Variants in DRAXIN observed in about 807,000 individuals in gnomAD.
The protein encoded by DRAXIN is dorsal repulsive axon guidance protein.
DRAXIN carries 27 observed loss-of-function variants against 33.9 expected under a neutral mutation model. The ratio of observed to expected loss-of-function variants is 0.80; its 90% CI spans 0.59 to 1.10. The LOEUF is 1.10. DRAXIN is among the 50% of genes least tolerant of loss of function. The probability of loss-of-function intolerance (pLI) is 0.00; values close to 1 mark genes in which losing one functional copy is unlikely to be tolerated. For synonymous variants in DRAXIN, 178 were observed against 194.0 expected, an observed-to-expected ratio of 0.92 and a Z score of 0.69; for missense variants, 371 against 460.8, an observed-to-expected ratio of 0.81 and a Z score of 1.78.
intron 1 of DRAXIN, among the ~76,000 whole-genome samples, chr1:11,702,510 TAC>T (rs966993308): frequency 3.4e-5 from 5 of 147,330 alleles, no homozygotes; most frequent in African/African-American, 1.3e-4. Flanking sequence ...GATCATAGTA[TAC>T]ACACACATGC....
In DRAXIN at chr1:11,706,743, G is replaced by C; in HGVS notation, c.451+34G>C. 1 of 1,509,346 alleles carries C rather than the reference G, an allele frequency of 6.6e-7. No individual in the cohort carries two copies. The highest frequency in any genetic ancestry group is 8.8e-7 in the Non-Finnish European group (1 of 1,131,516). The allele number at this position is 1,509,346 out of a possible 1,614,324, so 93.5% of individuals were successfully genotyped here. ...AGGGCTGCGAGGGGTGGGGATGGGGGTGATTCCTGCCATGGACTGAGGGGA... is the reference window on the plus strand; with the variant it reads ...AGGGCTGCGAGGGGTGGGGATGGGGCTGATTCCTGCCATGGACTGAGGGGA... On this transcript the variant is annotated intron_variant, in intron 2 of 6. Transcript: ENST00000294485. The surrounding 1 kb of genome is among the most constrained non-coding windows in gnomAD (Gnocchi z 5.5).
intron 6 of DRAXIN, among the ~76,000 whole-genome samples, chr1:11,716,562 C>T (rs1009876479): frequency 1.3e-5 from 2 of 152,236 alleles, no homozygotes; most frequent in Non-Finnish European, 2.9e-5. Context: ...GAGTTATCTA[C>T]CATGATCGTG....
Position 11,721,264 on chromosome 1 carries a change from C to T in DRAXIN, c.*1568C>T, listed in dbSNP as rs1408859679. 2 of 152,220 alleles carry T rather than the reference C, an allele frequency of 1.3e-5. No individual in the cohort carries two copies. Among genetic ancestry groups the T allele is most frequent in the Non-Finnish European group, 2.9e-5 (2 of 68,052 alleles). The allele number at this position is 152,220 out of a possible 1,614,324, so 9.4% of individuals were successfully genotyped here. ...CAGAGCCCACTGGGAAGTTGAGGCT[C>T]ACCTGAAATTGAGGTGCTATCTGAA... On this transcript the variant is annotated 3_prime_UTR_variant, in exon 7 of 7. Coordinates refer to ENST00000294485, the MANE Select transcript of DRAXIN (RefSeq NM_198545.4).
chr1:11,710,139 C>T (rs970247104), intron 3 of DRAXIN, among the ~76,000 whole-genome samples: 47 of 146,330 alleles, frequency 3.2e-4, no homozygotes, highest in African/African-American at 7.4e-4. Flanking sequence ...GTGTCAAGAT[C>T]GCCCCACTGC....
In DRAXIN at chr1:11,721,766, C is replaced by T. The variant is rs1405181910; in HGVS notation, c.*2070C>T. Reference sequence around the variant, plus strand: ...TTGGGAGGCTGAGGTGGGCGGACCACCTCAGGTCAGGAGTTTGAGACCAGC... The same window carrying T: ...TTGGGAGGCTGAGGTGGGCGGACCATCTCAGGTCAGGAGTTTGAGACCAGC... On this transcript the variant is annotated 3_prime_UTR_variant, in exon 7 of 7. Transcript: ENST00000294485. 6.6e-6 allele frequency: 1 copy of T among 152,162 alleles called. No homozygotes were observed. Among genetic ancestry groups the T allele is most frequent in the Non-Finnish European group, 1.5e-5 (1 of 68,118 alleles). The allele number at this position is 152,162 out of a possible 1,614,324, so 9.4% of individuals were successfully genotyped here. A position where few individuals can be genotyped will look rare whatever the true frequency, so the allele number is the denominator to read the frequency against.
intron 2 of DRAXIN, among the ~76,000 whole-genome samples, chr1:11,707,483 G>A (rs1163597845): frequency 6.6e-6 from 1 of 152,204 alleles, no homozygotes; most frequent in African/African-American, 2.4e-5. Flanking sequence ...CCTCTGTAAA[G>A]CAAGGAGACT....
At chr1:11,698,317 T>C (rs1641223760) in intron 1 of DRAXIN, among the ~76,000 whole-genome samples, 1 of 152,142 alleles carries the variant, frequency 6.6e-6, no homozygotes, top group Admixed American at 6.5e-5. Context: ...ACAAGAAAAT[T>C]ACCCACTTTC....
chr1:11,725,325 C>CA lies in DRAXIN; in HGVS notation c.*5637dup, dbSNP rs144701069. The stretch of plus-strand genomic sequence containing the variant: ...AGCGAGACCTTGTCTCAAAAAAAGA[C>CA]AAAAAAAACAAAAAGAAATGTAGAT... On this transcript the variant is annotated 3_prime_UTR_variant, in exon 7 of 7. Transcript: ENST00000294485. The CA allele has an allele frequency of 0.044, 6,612 of 151,626 alleles. 222 individuals are homozygous for CA. Among genetic ancestry groups the CA allele is most frequent in the South Asian group, 0.15 (708 of 4,800 alleles). 9.4% of individuals were successfully genotyped at this position (151,626 alleles called of 1,614,324 possible).
rs1180451024 is a variant in DRAXIN, at chr1:11,721,133, C to CA, written c.*1444dup. On this transcript the variant is annotated 3_prime_UTR_variant, in exon 7 of 7. Transcript: ENST00000294485. ...GGGGTTCTGATGCAAGCATGGAATC[C>CA]AAAAAAACCCCACACATATTGCCCA... is the stretch of plus-strand genomic sequence containing the variant. 2 of 152,044 alleles carry CA rather than the reference C, an allele frequency of 1.3e-5. No homozygotes were observed. Among genetic ancestry groups the CA allele is most frequent in the African/African-American group, 2.4e-5 (1 of 41,376 alleles). 9.4% of individuals were successfully genotyped at this position (152,044 alleles called of 1,614,324 possible).
chr1:11,710,728 CAT>C (rs1458250653), intron 3 of DRAXIN, among the ~76,000 whole-genome samples: 1 of 139,174 alleles, frequency 7.2e-6, no homozygotes, highest in Non-Finnish European at 1.5e-5. Flanking sequence ...TCCTGGCTAA[CAT>C]GGTGAAACCC....
At chr1:11,711,690 C>T (rs556308759) in intron 3 of DRAXIN, among the ~76,000 whole-genome samples, 161 bp from the exon 4 acceptor site, 7 of 152,298 alleles carry the variant, frequency 4.6e-5, no homozygotes, top group South Asian at 2.1e-4. Context: ...CAGGAGCCTC[C>T]GGCAGCCATC....
intron 5 of DRAXIN, among the ~76,000 whole-genome samples, chr1:11,713,198 C>CA (rs58232887): frequency 0.096 from 13,912 of 144,870 alleles, 654 homozygotes; most frequent in South Asian, 0.12. Context: ...AATTCCGTCT[C>CA]AAAAAAAAAA....
chr1:11,686,926 G>A (rs916336012), upstream of DRAXIN, among the ~76,000 whole-genome samples: 9 of 151,286 alleles, frequency 5.9e-5, no homozygotes, highest in African/African-American at 1.9e-4. Context: ...GTTGTACATC[G>A]CTACTCTCTA....
In DRAXIN at chr1:11,706,392, C is replaced by G. The variant is rs1249728103; in HGVS notation, c.134C>G (p.Pro45Arg). Residue 45 changes from proline (P) to arginine (R), a missense_variant, in exon 2 of 7, where the codon CCA (proline) becomes CGA (arginine). Physicochemically the swap from Pro to Arg is moderately radical, Grantham distance 103. Coordinates refer to ENST00000294485, the MANE Select transcript of DRAXIN (RefSeq NM_198545.4). This position sits in a 1 kb window ranked among gnomAD's most constrained non-coding sequence, Gnocchi z 5.5. ...CTCCCTGAGAATCACATTGACCTCC[C>G]AGGCCCAGCGCTGTGGACGCCTCAG... ...RNLPENHIDL[P>R]GPALWTPQAS... 1 of 1,613,448 alleles carries G rather than the reference C, an allele frequency of 6.2e-7. No homozygotes were observed. Among genetic ancestry groups the G allele is most frequent in the East Asian group, 2.2e-5 (1 of 44,870 alleles).
rs978705527 is a variant in DRAXIN, at chr1:11,694,822, G to C, written c.-11+2969G>C. Among the ~76,000 whole-genome samples the C allele has an allele frequency of 2.0e-5, 3 of 152,106 alleles. No individual in the cohort carries two copies. Among genetic ancestry groups the C allele is most frequent in the African/African-American group, 7.2e-5 (3 of 41,396 alleles). On this transcript the variant is annotated intron_variant, in intron 1 of 6. Coordinates refer to ENST00000294485, the MANE Select transcript of DRAXIN (RefSeq NM_198545.4). This position sits in a 1 kb window ranked among gnomAD's most constrained non-coding sequence, Gnocchi z 4.9. ...GTTGTGGGAGGATGGCTGAATCCTT[G>C]CCAGTAGAGGCTCTGCCACCCCAGG...
intron 3 of DRAXIN, among the ~76,000 whole-genome samples, chr1:11,710,255 G>A (rs1212188550): frequency 2.0e-5 from 3 of 151,968 alleles, no homozygotes; most frequent in African/African-American, 7.2e-5. Context: ...ACCTTAGAAG[G>A]CCAAGGCACG....
chr1:11,710,116 C>T (rs568384601), intron 3 of DRAXIN, among the ~76,000 whole-genome samples: 5 of 146,630 alleles, frequency 3.4e-5, no homozygotes, highest in East Asian at 2.0e-4. Flanking sequence ...ACTTGGGAGG[C>T]GGAGGCTGTA....
chr1:11,718,696 G>A (rs1641616305), intron 6 of DRAXIN, among the ~76,000 whole-genome samples: 1 of 152,154 alleles, frequency 6.6e-6, no homozygotes, highest in African/African-American at 2.4e-5. Flanking sequence ...TGGAACTACT[G>A]GGCTCAAGCG....
chr1:11,710,506 A>T (rs1410118319), intron 3 of DRAXIN, among the ~76,000 whole-genome samples: 1 of 151,414 alleles, frequency 6.6e-6, no homozygotes, highest in Non-Finnish European at 1.5e-5. Flanking sequence ...AGGGAAAAAA[A>T]AAATGTGGAG....
Sources: gnomAD v4.1 joint callset for allele counts (sites outside exome capture counted in the v4.1 genomes callset) on GRCh38, gnomAD v4.1.1 for gene constraint, Gnocchi (gnomAD v3.1) non-coding constraint, MANE v1.5 for transcripts, NCBI Gene and HGNC (gene_info 2026-07-23, HGNC 2026-07-21) for gene names.